Variants in ABCD3 observed in about 807,000 individuals in gnomAD.
The protein encoded by ABCD3 is ATP-binding cassette sub-family D member 3.
ABCD3 carries 41 observed loss-of-function variants against 105.5 expected under a neutral mutation model. The ratio of observed to expected loss-of-function variants is 0.39; its 90% CI spans 0.30 to 0.50. The LOEUF is 0.50. Ranked by LOEUF, ABCD3 falls within the 20% of genes least tolerant of loss-of-function variation. The probability of loss-of-function intolerance (pLI) is 0.84; values close to 1 mark genes in which losing one functional copy is unlikely to be tolerated. For missense variants in ABCD3, 622 were observed against 806.3 expected (o/e 0.77, Z 2.77); for synonymous variants, 258 against 269.0 (o/e 0.96, Z 0.40).
In ABCD3 at chr1:94,487,797, C is replaced by G; in HGVS notation, c.1065+6C>G. 1 of 1,613,150 alleles carries G rather than the reference C, an allele frequency of 6.2e-7. No individual in the cohort carries two copies. Among genetic ancestry groups the G allele is most frequent in the Non-Finnish European group, 8.5e-7 (1 of 1,179,312 alleles). ...CACATTCGGAACTTCTAGAGGTAAACTGATGATAATACAATGAAAATGTAA... is the reference window on the plus strand; with the variant it reads ...CACATTCGGAACTTCTAGAGGTAAAGTGATGATAATACAATGAAAATGTAA... On this transcript the variant is annotated splice_donor_region_variant and intron_variant, in intron 12 of 22. Transcript: ENST00000370214.
At chr1:94,419,465 T>G in intron 1 of ABCD3, 1 of 514,170 alleles carries the variant, frequency 1.9e-6, no homozygotes. Context: ...CATACAGGTA[T>G]GTATGTCACA....
At chr1:94,419,543 C>T (rs929966629) in intron 1 of ABCD3, among the ~76,000 whole-genome samples, 1 of 152,176 alleles carries the variant, frequency 6.6e-6, no homozygotes, top group Non-Finnish European at 1.5e-5. Context: ...TCTTGCCAGT[C>T]ATTGAATATT....
At chr1:94,446,495 C>T (rs1660350472) in intron 1 of ABCD3, among the ~76,000 whole-genome samples, 1 of 152,188 alleles carries the variant, frequency 6.6e-6, no homozygotes, top group Admixed American at 6.5e-5. Flanking sequence ...CTTCTGTTCC[C>T]TGGAAAGCAG....
chr1:94,508,306 A>G (rs1238112996), intron 21 of ABCD3, among the ~76,000 whole-genome samples: 2 of 152,138 alleles, frequency 1.3e-5, no homozygotes, highest in Admixed American at 6.6e-5. Context: ...AGTTGTAGAT[A>G]TGCGGCGTTA....
At chr1:94,473,373 G>T (rs1225239981) in intron 4 of ABCD3, among the ~76,000 whole-genome samples, 4 of 152,176 alleles carry the variant, frequency 2.6e-5, no homozygotes, top group Middle Eastern at 3.4e-3. Context: ...ATGAGAATCA[G>T]ATTATTAAAA....
the ABCD3 span, among the ~76,000 whole-genome samples, chr1:94,396,087 G>A: frequency 6.6e-6 from 1 of 152,036 alleles, no homozygotes; most frequent in African/African-American, 2.4e-5. Flanking sequence ...TTCCTTCTTG[G>A]TTATTGTGTG....
chr1:94,484,341 C>T (rs772170126), intron 10 of ABCD3, among the ~76,000 whole-genome samples: 19 of 152,142 alleles, frequency 1.2e-4, no homozygotes, highest in African/African-American at 1.4e-4. Context: ...TGCACACATA[C>T]GTTTATTGTG....
At chr1:94,425,551 G>A (rs1313152516) in intron 1 of ABCD3, among the ~76,000 whole-genome samples, 2 of 152,180 alleles carry the variant, frequency 1.3e-5, no homozygotes, top group Non-Finnish European at 2.9e-5. Context: ...ATTGCCAGAA[G>A]TAGGATTAAT....
At chr1:94,419,370 G>C (rs766381715) in intron 1 of ABCD3, 15 of 984,694 alleles carry the variant, frequency 1.5e-5, no homozygotes, top group East Asian at 2.3e-4. Flanking sequence ...CTTCCACCGC[G>C]GGAGAATTTC....
At chr1:94,419,966 A>G (rs1659192834) in intron 1 of ABCD3, among the ~76,000 whole-genome samples, 1 of 152,238 alleles carries the variant, frequency 6.6e-6, no homozygotes, top group South Asian at 2.1e-4. Flanking sequence ...TTACCTGGGA[A>G]CATGCCAGTA....
chr1:94,479,224 A>G (rs186194827), intron 8 of ABCD3, among the ~76,000 whole-genome samples: 1 of 152,088 alleles, frequency 6.6e-6, no homozygotes, highest in African/African-American at 2.4e-5. Context: ...ATTTTGTTTT[A>G]CTATAACCAA....
intron 22 of ABCD3, among the ~76,000 whole-genome samples, chr1:94,516,847 AT>A (rs1014315443): frequency 2.6e-5 from 4 of 152,066 alleles, no homozygotes; most frequent in African/African-American, 9.6e-5. Context: ...TGACTGACCT[AT>A]GGAACAGTCT....
chr1:94,515,867 T>A (rs1650897081), intron 22 of ABCD3, among the ~76,000 whole-genome samples: 1 of 151,712 alleles, frequency 6.6e-6, no homozygotes, highest in Non-Finnish European at 1.5e-5. Flanking sequence ...TTTTCTTCTT[T>A]CCTTTCTGTC....
intron 1 of ABCD3, among the ~76,000 whole-genome samples, chr1:94,452,653 G>A (rs962791626): frequency 2.0e-5 from 3 of 152,150 alleles, no homozygotes; most frequent in Non-Finnish European, 4.4e-5. Context: ...TTAAAAAAAT[G>A]TTGGTGTAAG....
At chr1:94,495,408 A>G (rs1045337476) in intron 16 of ABCD3, among the ~76,000 whole-genome samples, 60 of 152,272 alleles carry the variant, frequency 3.9e-4, no homozygotes, top group African/African-American at 1.4e-3. Context: ...CTTGGCTTTT[A>G]GTCTTAATTT....
chr1:94,466,716 G>A (rs1198614378), intron 3 of ABCD3, among the ~76,000 whole-genome samples: 1 of 152,142 alleles, frequency 6.6e-6, no homozygotes, highest in African/African-American at 2.4e-5. Context: ...TAAAATACAA[G>A]CTTCTCTGGA....
intron 17 of ABCD3, 31 bp downstream of exon 17, chr1:94,498,710 G>A (rs1322756228): frequency 3.7e-6 from 6 of 1,613,242 alleles, no homozygotes; most frequent in Non-Finnish European, 5.1e-6. Flanking sequence ...AAATTTTGCA[G>A]TCTTATTTTG....
At chr1:94,511,334 G>C (rs1164668201) in intron 21 of ABCD3, among the ~76,000 whole-genome samples, 1 of 152,040 alleles carries the variant, frequency 6.6e-6, no homozygotes, top group Non-Finnish European at 1.5e-5. Flanking sequence ...CTCTCTTCTG[G>C]CTTGTAGGGT....
chr1:94,403,807 A>T, the ABCD3 span, among the ~76,000 whole-genome samples: 2 of 152,126 alleles, frequency 1.3e-5, no homozygotes, highest in African/African-American at 2.4e-5. Flanking sequence ...CTAAATATTC[A>T]TCTTATACCT....
Sources: gnomAD v4.1 joint callset for allele counts (sites outside exome capture counted in the v4.1 genomes callset) on GRCh38, gnomAD v4.1.1 for gene constraint, MANE v1.5 for transcripts, NCBI Gene and HGNC (gene_info 2026-07-23, HGNC 2026-07-21) for gene names.